HSBP1L1: variants seen among roughly 807,000 people sequenced by gnomAD.
HSBP1L1 encodes the protein heat shock factor-binding protein 1-like protein 1.
In HSBP1L1, 8 loss-of-function variants were observed where a neutral mutation model predicts 9.7. That is an observed-to-expected ratio of 0.82 (90% CI 0.48 to 1.48). HSBP1L1 has a LOEUF of 1.48. HSBP1L1 is among the 40% of genes most tolerant of loss of function. The probability of loss-of-function intolerance (pLI) is 0.00; values close to 1 mark genes in which losing one functional copy is unlikely to be tolerated. For synonymous variants in HSBP1L1, 39 were observed against 34.4 expected (o/e 1.13, Z -0.46); for missense variants, 106 against 95.8 (o/e 1.11, Z -0.44).
chr18:79,967,311 A>C (rs1394711420), intron 2 of HSBP1L1, among the ~76,000 whole-genome samples: 7 of 152,180 alleles, frequency 4.6e-5, no homozygotes, highest in African/African-American at 1.4e-4. Flanking sequence ...CCCACAGAGC[A>C]TAACACTGAA....
At position 79,964,724 on chromosome 18, in the gene HSBP1L1, C is replaced by A. The variant is rs1170803257; in HGVS notation, c.-12C>A. 4.3e-6 allele frequency: 6 copies of A among 1,409,594 alleles called. No individual in the cohort carries two copies. In the African/African-American group the frequency reaches 7.5e-5, roughly 18 times the overall value. 87.3% of individuals were successfully genotyped at this position (1,409,594 alleles called of 1,614,324 possible). On this transcript the variant is annotated 5_prime_UTR_variant, in exon 1 of 4. Coordinates refer to ENST00000451882, the MANE Select transcript of HSBP1L1 (RefSeq NM_001136180.2). ...CGGGACCCCCCACTGACGCCCCCGGCCAGCGGTCCACATGGACGTGCGGGG... is the reference window on the plus strand; with the variant it reads ...CGGGACCCCCCACTGACGCCCCCGGACAGCGGTCCACATGGACGTGCGGGG...
chr18:79,965,089 G>A (rs1361248712), intron 1 of HSBP1L1, among the ~76,000 whole-genome samples: 1 of 118,856 alleles, frequency 8.4e-6, no homozygotes, highest in African/African-American at 3.1e-5. Flanking sequence ...TCCTCGGGGG[G>A]CCTGAGGTCC....
chr18:79,970,721 AC>A lies in HSBP1L1; in HGVS notation c.*273del, dbSNP rs1175000402. The stretch of plus-strand genomic sequence containing the variant: ...AAGACAAGTTTCTGTTGTTTAAACC[AC>A]CCAATCTGAAGTATTTTGTTATGGC... On this transcript the variant is annotated 3_prime_UTR_variant, in exon 4 of 4. Transcript: ENST00000451882. 4 of 452,928 alleles carry A rather than the reference AC, an allele frequency of 8.8e-6. No individual in the cohort carries two copies. Among genetic ancestry groups the A allele is most frequent in the Non-Finnish European group, 1.6e-5 (4 of 248,288 alleles). 28.1% of individuals were successfully genotyped at this position (452,928 alleles called of 1,614,324 possible). A position where few individuals can be genotyped will look rare whatever the true frequency, so the allele number is the denominator to read the frequency against.
chr18:79,966,693 C>A lies in HSBP1L1; in HGVS notation c.118+15C>A. The stretch of plus-strand genomic sequence containing the variant: ...AAACCTCAGAAATATCCTTTTCTAC[C>A]TTTAACAAATGCTGTGATTCTTTCG... On this transcript the variant is annotated intron_variant, in intron 2 of 3. Transcript: ENST00000451882. 6.6e-7 allele frequency: 1 copy of A among 1,519,180 alleles called. No individual in the cohort carries two copies. Among genetic ancestry groups the A allele is most frequent in the Non-Finnish European group, 8.9e-7 (1 of 1,118,458 alleles). The allele number at this position is 1,519,180 out of a possible 1,614,324, so 94.1% of individuals were successfully genotyped here.
intron 1 of HSBP1L1, among the ~76,000 whole-genome samples, chr18:79,965,654 C>T (rs2051252904): frequency 6.6e-6 from 1 of 152,192 alleles, no homozygotes; most frequent in South Asian, 2.1e-4. Flanking sequence ...TAAGTAATTT[C>T]ATAAGAATTC....
At chr18:79,969,337 AAG>A (rs1413748383) in intron 3 of HSBP1L1, among the ~76,000 whole-genome samples, 5,587 of 29,206 alleles carry the variant, frequency 0.19, 245 homozygotes, top group Non-Finnish European at 0.24. Context: ...AAGAAAAAGA[AAG>A]AAAGAAAGAA....
At chr18:79,964,920 G>A in intron 1 of HSBP1L1, 134 bp downstream of exon 1, 1 of 448,968 alleles carries the variant, frequency 2.2e-6, no homozygotes. Context: ...TGAGGTCCTG[G>A]GGGGCCTGCG....
intron 1 of HSBP1L1, among the ~76,000 whole-genome samples, chr18:79,965,532 TGAG>T (rs1272595417): frequency 1.3e-5 from 2 of 151,926 alleles, no homozygotes; most frequent in Non-Finnish European, 2.9e-5. Context: ...GGTCGCAGGG[TGAG>T]GAGTAGATTA....
rs1158645660 is a variant in HSBP1L1, at chr18:79,969,317, GAAAGAAAGAAAGAA to G, written c.214-1107_214-1094del. 6.0e-4 allele frequency among the ~76,000 whole-genome samples: 63 copies of G among 105,110 alleles called. 1 individual carries two copies. Among genetic ancestry groups the G allele is most frequent in the African/African-American group, 2.3e-3 (61 of 26,286 alleles). The allele number at this position is 105,110 out of a possible 152,430, so 69.0% of individuals were successfully genotyped here. A position where few individuals can be genotyped will look rare whatever the true frequency, so the allele number is the denominator to read the frequency against. ...GAGGGAGAGAGAGAGAGAAAGGAAAGAAAGAAAGAAAGAAAAAGAAAGAAAGAAAGAAAGAAAGA... is the reference window on the plus strand; with the variant it reads ...GAGGGAGAGAGAGAGAGAAAGGAAAGAAAGAAAGAAAGAAAGAAAGAAAGA... On this transcript the variant is annotated intron_variant, in intron 3 of 3. Transcript: ENST00000451882.
chr18:79,964,647 G>C lies in HSBP1L1; in HGVS notation c.-89G>C, dbSNP rs1293376908. ...CCCGAGGCCTCCCGGCGGCCCATACGGGAATCGCGGAGCTTAGCTGTCGCC... is the reference window on the plus strand; with the variant it reads ...CCCGAGGCCTCCCGGCGGCCCATACCGGAATCGCGGAGCTTAGCTGTCGCC... On this transcript the variant is annotated 5_prime_UTR_variant, in exon 1 of 4. Transcript: ENST00000451882. The C allele has an allele frequency of 2.8e-6, 2 of 722,704 alleles. No individual in the cohort carries two copies. Among genetic ancestry groups the C allele is most frequent in the African/African-American group, 1.9e-5 (1 of 52,724 alleles). 44.8% of individuals were successfully genotyped at this position (722,704 alleles called of 1,614,324 possible). A position where few individuals can be genotyped will look rare whatever the true frequency, so the allele number is the denominator to read the frequency against.
rs146323375 is a variant in HSBP1L1 at position 79,968,752 on chromosome 18, C to G, written c.213+569C>G. Among the ~76,000 whole-genome samples the G allele has an allele frequency of 5.1e-4, 78 of 152,228 alleles. 1 individual carries two copies. In the East Asian group the frequency reaches 0.015, roughly 29 times the overall value. ...CCAAAGTGCCTCCTCTGCAGGGCAT[C>G]TGAGGCCACCCAGTGCAACCCGAAC... On this transcript the variant is annotated intron_variant, in intron 3 of 3. Coordinates refer to ENST00000451882, the MANE Select transcript of HSBP1L1 (RefSeq NM_001136180.2).
chr18:79,968,529 T>C (rs963051746), intron 3 of HSBP1L1, among the ~76,000 whole-genome samples: 2 of 152,172 alleles, frequency 1.3e-5, no homozygotes, highest in African/African-American at 4.8e-5. Flanking sequence ...TTTCACTATG[T>C]TGGCCAGGCT....
In HSBP1L1 at chr18:79,970,693, G is replaced by A. The variant is rs1316761047; in HGVS notation, c.*242G>A. 2.0e-6 allele frequency: 1 copy of A among 495,828 alleles called. No homozygotes were observed. Among genetic ancestry groups the A allele is most frequent in the African/African-American group, 1.9e-5 (1 of 52,570 alleles). 30.7% of individuals were successfully genotyped at this position (495,828 alleles called of 1,614,324 possible). On this transcript the variant is annotated 3_prime_UTR_variant, in exon 4 of 4. Transcript: ENST00000451882. ...TGGGACTTCCAGAAAACAGAACTGT[G>A]AAAAGACAAGTTTCTGTTGTTTAAA...
At chr18:79,968,953 G>C (rs1488709251) in intron 3 of HSBP1L1, among the ~76,000 whole-genome samples, 1 of 149,866 alleles carries the variant, frequency 6.7e-6, no homozygotes, top group Admixed American at 6.7e-5. Flanking sequence ...GGAGGCCGAG[G>C]TGGGCGGATC....
Position 79,969,308 on chromosome 18 carries a change from GAA to G in HSBP1L1, c.213+1127_213+1128del, listed in dbSNP as rs1491460566. On this transcript the variant is annotated intron_variant, in intron 3 of 3. Coordinates refer to ENST00000451882, the MANE Select transcript of HSBP1L1 (RefSeq NM_001136180.2). ...GGAGGGAGGGAGGGAGAGAGAGAGAGAAAGGAAAGAAAGAAAGAAAGAAAAAG... is the reference window on the plus strand; with the variant it reads ...GGAGGGAGGGAGGGAGAGAGAGAGAGAGGAAAGAAAGAAAGAAAGAAAAAG... Among the ~76,000 whole-genome samples the G allele has an allele frequency of 1.5e-3, 77 of 51,124 alleles. 4 individuals are homozygous for G. Among genetic ancestry groups the G allele is most frequent in the Non-Finnish European group, 2.0e-3 (49 of 23,938 alleles). 33.5% of individuals were successfully genotyped at this position (51,124 alleles called of 152,430 possible). A position where few individuals can be genotyped will look rare whatever the true frequency, so the allele number is the denominator to read the frequency against.
intron 2 of HSBP1L1, chr18:79,966,914 C>A: frequency 5.2e-6 from 2 of 381,786 alleles, no homozygotes; most frequent in Non-Finnish European, 4.9e-6. Context: ...TTTGGGAGGC[C>A]GAGGTGGGCA....
intron 2 of HSBP1L1, 78 bp from the exon 3 acceptor site, chr18:79,968,011 C>A: frequency 1.3e-6 from 1 of 773,122 alleles, no homozygotes; most frequent in Non-Finnish European, 2.1e-6. Flanking sequence ...CCATGGGAGG[C>A]GGAGTCTCTG....
intron 3 of HSBP1L1, among the ~76,000 whole-genome samples, chr18:79,968,688 C>T (rs906082612): frequency 6.6e-6 from 1 of 151,850 alleles, no homozygotes; most frequent in Non-Finnish European, 1.5e-5. Context: ...AGGCTGGTCT[C>T]GAACTCCTGA....
At position 79,966,670 on chromosome 18, in the gene HSBP1L1, A is replaced by T. The variant is rs2145034237; in HGVS notation, c.110A>T (p.Asn37Ile). 6 of 1,546,772 alleles carry T rather than the reference A, an allele frequency of 3.9e-6. No homozygotes were observed. Among genetic ancestry groups the T allele is most frequent in the Non-Finnish European group, 4.4e-6 (5 of 1,143,040 alleles). Residue 37 changes from asparagine (N) to isoleucine (I), a missense_variant, in exon 2 of 4, where the codon AAC becomes ATC. By Grantham distance (149) the Asn-to-Ile change is moderately radical. Coordinates refer to ENST00000451882, the MANE Select transcript of HSBP1L1 (RefSeq NM_001136180.2). ...EHFQALTATL[N>I]LRMEEMGNRI... Reference sequence around the variant, plus strand: ...TTTCAAGCTCTGACGGCAACATTAAACCTCAGAAATATCCTTTTCTACCTT... The same window carrying T: ...TTTCAAGCTCTGACGGCAACATTAATCCTCAGAAATATCCTTTTCTACCTT...
Sources: allele counts gnomAD v4.1 joint callset (sites outside exome capture counted in the v4.1 genomes callset), GRCh38; gene constraint gnomAD v4.1.1; transcripts MANE v1.5; gene names NCBI Gene and HGNC (gene_info 2026-07-23, HGNC 2026-07-21).